GLMN: variants seen among roughly 807,000 people sequenced by gnomAD.
The protein encoded by GLMN is glomulin, FKBP associated protein.
In GLMN, 75 loss-of-function variants were observed where a neutral mutation model predicts 87.8. The observed-to-expected ratio is 0.85, with a 90% CI of 0.71 to 1.04. The LOEUF (loss-of-function observed/expected upper bound fraction) is 1.04, where lower values mean the gene tolerates loss of function less well. GLMN is among the 50% of genes least tolerant of loss of function. GLMN has a pLI of 0.00. For missense variants in GLMN, 588 were observed against 658.8 expected, an observed-to-expected ratio of 0.89 and a Z score of 1.18; for synonymous variants, 206 against 221.6, an observed-to-expected ratio of 0.93 and a Z score of 0.63.
intron 16 of GLMN, among the ~76,000 whole-genome samples, chr1:92,251,217 A>C (rs2100788765): frequency 6.6e-6 from 1 of 152,336 alleles, no homozygotes; most frequent in Admixed American, 6.5e-5. Flanking sequence ...AAGGAATAAA[A>C]CAGAATAATT....
chr1:92,353,544 T>G, the GLMN span, among the ~76,000 whole-genome samples: 1 of 152,250 alleles, frequency 6.6e-6, no homozygotes, highest in South Asian at 2.1e-4. Context: ...GTGTTCATAG[T>G]GTTCAATTTG....
At position 92,252,710 on chromosome 1, in the gene GLMN, AAAT is replaced by A. The variant is rs557586546; in HGVS notation, c.1474-4724_1474-4722del. Among the ~76,000 whole-genome samples, 4 of 152,340 alleles carry A rather than the reference AAAT, an allele frequency of 2.6e-5. No homozygotes were observed. The East Asian group carries it at 5.8e-4, about 22-fold the overall frequency. ...CAAGGTTACCAGATCGTTTTTAAAG[AAAT>A]AATAAATACTACAAAGAAAATCACA... is the stretch of plus-strand genomic sequence containing the variant. On this transcript the variant is annotated intron_variant, in intron 16 of 18. Coordinates refer to ENST00000370360, the MANE Select transcript of GLMN (RefSeq NM_053274.3).
chr1:92,259,259 C>T (rs1408901230), intron 16 of GLMN, among the ~76,000 whole-genome samples: 1 of 152,036 alleles, frequency 6.6e-6, no homozygotes, highest in Admixed American at 6.5e-5. Flanking sequence ...TTTAAAGATA[C>T]TCTATTAAAT....
upstream of GLMN, among the ~76,000 whole-genome samples, chr1:92,303,103 T>A (rs1650977786): frequency 6.6e-6 from 1 of 152,164 alleles, no homozygotes; most frequent in Admixed American, 6.5e-5. Flanking sequence ...GAAATTTCTC[T>A]TTATATTTTT....
At chr1:92,346,189 G>T in the GLMN span, among the ~76,000 whole-genome samples, 1 of 149,956 alleles carries the variant, frequency 6.7e-6, no homozygotes. Context: ...TTTGAGACAG[G>T]GTCTCGCTCT....
At chr1:92,281,074 C>T (rs1384974970) in intron 7 of GLMN, among the ~76,000 whole-genome samples, 3 of 152,264 alleles carry the variant, frequency 2.0e-5, no homozygotes, top group Non-Finnish European at 2.9e-5. Context: ...ACTTCCATAA[C>T]CTAGCAAGGC....
At chr1:92,366,226 C>T in the GLMN span, among the ~76,000 whole-genome samples, 1 of 152,096 alleles carries the variant, frequency 6.6e-6, no homozygotes, top group Non-Finnish European at 1.5e-5. Context: ...TTGCTTGAGC[C>T]CAGGAGTTTG....
chr1:92,351,305 C>CAAAAAA, the GLMN span, among the ~76,000 whole-genome samples: 18 of 86,820 alleles, frequency 2.1e-4, no homozygotes, highest in East Asian at 3.6e-4. Flanking sequence ...GACTCTGTCT[C>CAAAAAA]AAAAAAAAAA....
the GLMN span, among the ~76,000 whole-genome samples, chr1:92,309,488 T>G: frequency 6.6e-6 from 1 of 152,000 alleles, no homozygotes; most frequent in African/African-American, 2.4e-5. Flanking sequence ...TGAATCAACT[T>G]AATTTACATT....
At chr1:92,284,908 A>G (rs1277742715) in intron 7 of GLMN, among the ~76,000 whole-genome samples, 1 of 152,238 alleles carries the variant, frequency 6.6e-6, no homozygotes, top group Non-Finnish European at 1.5e-5. Context: ...AATCAAAACC[A>G]GTGAGATACC....
At chr1:92,338,689 T>TTTTTTAAA in the GLMN span, among the ~76,000 whole-genome samples, 873 of 151,428 alleles carry the variant, frequency 5.8e-3, 5 homozygotes, top group African/African-American at 0.019. Flanking sequence ...CTTGCTCAGT[T>TTTTTTAAA]GCCCAGGCTG....
chr1:92,262,167 A>G (rs1291932522), intron 16 of GLMN, among the ~76,000 whole-genome samples: 1 of 152,166 alleles, frequency 6.6e-6, no homozygotes, highest in Non-Finnish European at 1.5e-5. Flanking sequence ...TTTCTTTGGC[A>G]TCTTTATATA....
intron 3 of GLMN, among the ~76,000 whole-genome samples, chr1:92,294,048 CA>C (rs753499855): frequency 1.9e-4 from 29 of 150,942 alleles, no homozygotes; most frequent in East Asian, 1.2e-3. Flanking sequence ...TATTTGATAG[CA>C]CAACAGGGTG....
chr1:92,252,299 TGGGA>T (rs961869084), intron 16 of GLMN, among the ~76,000 whole-genome samples: 3 of 152,148 alleles, frequency 2.0e-5, no homozygotes, highest in African/African-American at 4.8e-5. Flanking sequence ...TAATCCCAGA[TGGGA>T]GGATCACCTG....
chr1:92,349,613 C>T, the GLMN span, among the ~76,000 whole-genome samples: 2 of 152,122 alleles, frequency 1.3e-5, no homozygotes, highest in Admixed American at 1.3e-4. Context: ...TTTCATTGTT[C>T]TTTCACAGAT....
the GLMN span, chr1:92,320,464 G>T: frequency 1.7e-6 from 1 of 587,148 alleles, no homozygotes; most frequent in South Asian, 2.3e-5. Context: ...GTAGAGATGG[G>T]GTTTCACCAT....
chr1:92,296,819 T>C (rs1009271728), intron 3 of GLMN, among the ~76,000 whole-genome samples: 9 of 152,206 alleles, frequency 5.9e-5, no homozygotes, highest in African/African-American at 1.9e-4. Context: ...TCTGATTCTA[T>C]GCACATAAAA....
rs772855487 is a variant in GLMN, at chr1:92,291,400, CTTGTT to C, written c.285+13_285+17del. The C allele has an allele frequency of 6.3e-5, 97 of 1,535,622 alleles. 1 individual carries two copies. In the East Asian group the frequency reaches 2.1e-3, roughly 33 times the overall value. On this transcript the variant is annotated intron_variant, in intron 4 of 18. Transcript: ENST00000370360. ...TGCTGTGTGTTATGATAAAGAGAACCTTGTTTTGTTAACTTACCTTTACCAATAAA... is the reference window on the plus strand; with the variant it reads ...TGCTGTGTGTTATGATAAAGAGAACCTTGTTAACTTACCTTTACCAATAAA...
intron 16 of GLMN, among the ~76,000 whole-genome samples, chr1:92,250,326 C>T (rs536450058): frequency 6.6e-6 from 1 of 152,156 alleles, no homozygotes; most frequent in South Asian, 2.1e-4. Context: ...TTTAAAAGCA[C>T]ATAAATGGTA....
Sources: allele counts gnomAD v4.1 joint callset (sites outside exome capture counted in the v4.1 genomes callset), GRCh38; gene constraint gnomAD v4.1.1; transcripts MANE v1.5; gene names NCBI Gene and HGNC (gene_info 2026-07-23, HGNC 2026-07-21).